DNAJB6: variants seen among roughly 807,000 people sequenced by gnomAD.
The protein encoded by DNAJB6 is DnaJ heat shock protein family (Hsp40) member B6.
Under a neutral mutation model 42.7 loss-of-function variants are expected in DNAJB6, and 16 were observed. The ratio of observed to expected loss-of-function variants is 0.37; its 90% CI spans 0.25 to 0.57. The LOEUF is 0.57. Ranked by LOEUF, DNAJB6 falls within the 20% of genes least tolerant of loss-of-function variation. The pLI is 0.74. For missense variants in DNAJB6, 347 were observed against 416.8 expected, an observed-to-expected ratio of 0.83 and a Z score of 1.46; for synonymous variants, 170 against 163.5, an observed-to-expected ratio of 1.04 and a Z score of -0.30.
intron 1 of DNAJB6, among the ~76,000 whole-genome samples, chr7:157,351,391 G>A (rs1798964255): frequency 6.6e-6 from 1 of 152,092 alleles, no homozygotes; most frequent in Non-Finnish European, 1.5e-5. Flanking sequence ...CACTTTGGGA[G>A]GCCGAGGAGG....
chr7:157,367,295 A>T, intron 4 of DNAJB6, 78 bp from the exon 5 acceptor site: 1 of 953,096 alleles, frequency 1.0e-6, no homozygotes, highest in Non-Finnish European at 1.7e-6. Context: ...TGATTTGTAT[A>T]ATGTTTTGTC....
chr7:157,416,094 A>G lies in DNAJB6; in HGVS notation c.977A>G (p.His326Arg). 6.2e-7 allele frequency: 1 copy of G among 1,613,604 alleles called. No homozygotes were observed. The highest frequency in any genetic ancestry group is 1.3e-5 in the African/African-American group (1 of 75,046). The change falls in exon 10 of 10, where the codon CAC becomes CGC. Residue 326 changes from histidine (H) to arginine (R), a missense_variant. By Grantham distance (29) the His-to-Arg change is conservative (BLOSUM62 0). This residue lies in a region of DNAJB6 where 264 missense variants were observed against 288.0 expected (regional missense o/e 0.92). Coordinates refer to ENST00000262177, the MANE Select transcript of DNAJB6 (RefSeq NM_058246.4). ...SKKKKSTKGN[H>R] ...AAGAAGAAGTCGACCAAAGGCAATC[A>G]CTAGACCGGACTTGAGGCACGCGGT...
At chr7:157,403,832 T>C (rs1207772847) in intron 8 of DNAJB6, among the ~76,000 whole-genome samples, 2 of 152,250 alleles carry the variant, frequency 1.3e-5, no homozygotes, top group Non-Finnish European at 2.9e-5. Flanking sequence ...CAGCCCACCC[T>C]GTGTGGACTC....
In DNAJB6 at chr7:157,347,768, G is replaced by C. The variant is rs540994264; in HGVS notation, c.-27+10624G>C. On this transcript the variant is annotated intron_variant, in intron 1 of 9. Transcript: ENST00000262177. Reference sequence around the variant, plus strand: ...TAGCATGTCACGTTTAAAATTACCTGTTGTCATTCAGGTTATAAGAAGTTT... The same window carrying C: ...TAGCATGTCACGTTTAAAATTACCTCTTGTCATTCAGGTTATAAGAAGTTT... 7.2e-5 allele frequency among the ~76,000 whole-genome samples: 11 copies of C among 152,260 alleles called. No homozygotes were observed. In the South Asian group the frequency reaches 2.1e-3, roughly 29 times the overall value.
intron 8 of DNAJB6, chr7:157,386,201 A>G (rs1001226193): frequency 7.2e-6 from 7 of 971,388 alleles, no homozygotes; most frequent in South Asian, 4.8e-5. Flanking sequence ...TTAAATATGT[A>G]ATGTTAAGCT....
rs776491092 is a variant in DNAJB6 at position 157,366,581 on chromosome 7, C to G, written c.235+20C>G. The G allele has an allele frequency of 3.1e-6, 5 of 1,611,112 alleles. No homozygotes were observed. In the East Asian group the frequency reaches 1.1e-4, roughly 36 times the overall value. ...GAGGAGGTAAGTACGTGAGTTTTTT[C>G]TTTGAAGACAAAAGGTCTTGGCAAG... On this transcript the variant is annotated intron_variant, in intron 4 of 9. Transcript: ENST00000262177.
chr7:157,379,592 T>TCCTGC (rs1800647113), intron 5 of DNAJB6: 1 of 152,168 alleles, frequency 6.6e-6, no homozygotes, highest in African/African-American at 2.4e-5. Flanking sequence ...GCTCAAGCAG[T>TCCTGC]CCTGCCTCAG....
intron 1 of DNAJB6, among the ~76,000 whole-genome samples, chr7:157,352,096 C>T (rs1799014644): frequency 6.6e-6 from 1 of 151,764 alleles, no homozygotes; most frequent in African/African-American, 2.4e-5. Context: ...CTTTAGGAGG[C>T]TGAGGTGAGC....
chr7:157,409,484 G>T (rs1374595658), intron 8 of DNAJB6, among the ~76,000 whole-genome samples: 1 of 152,268 alleles, frequency 6.6e-6, no homozygotes, highest in Non-Finnish European at 1.5e-5. Context: ...CCCTGACCGT[G>T]ATTTCAGTGG....
At chr7:157,376,848 C>G (rs1176237146) in intron 5 of DNAJB6, among the ~76,000 whole-genome samples, 1 of 152,184 alleles carries the variant, frequency 6.6e-6, no homozygotes, top group Non-Finnish European at 1.5e-5. Context: ...CCACTACACT[C>G]CAGCCTGGGC....
In DNAJB6 at chr7:157,394,252, A is replaced by G. The variant is rs143434852; in HGVS notation, c.691+8641A>G. 6.6e-3 allele frequency among the ~76,000 whole-genome samples: 1,004 copies of G among 152,282 alleles called. 12 individuals carry two copies. The highest frequency in any genetic ancestry group is 0.022 in the African/African-American group (932 of 41,564). Reference sequence around the variant, plus strand: ...TTCAAAAATAACCCATATGACATCTATTTTTTGGAAGGAAGGGTTAAGAAA... The same window carrying G: ...TTCAAAAATAACCCATATGACATCTGTTTTTTGGAAGGAAGGGTTAAGAAA... On this transcript the variant is annotated intron_variant, in intron 8 of 9. Coordinates refer to ENST00000262177, the MANE Select transcript of DNAJB6 (RefSeq NM_058246.4).
chr7:157,396,345 G>A (rs563199020), intron 8 of DNAJB6, among the ~76,000 whole-genome samples: 1 of 152,238 alleles, frequency 6.6e-6, no homozygotes, highest in Non-Finnish European at 1.5e-5. Flanking sequence ...TCAGGGCGAC[G>A]TGTTTCTTGA....
In DNAJB6 at chr7:157,383,831, G is replaced by A. The variant is rs147831980; in HGVS notation, c.479-1036G>A. Reference sequence around the variant, plus strand: ...AAATAGTCATTGGGTTTCAAAGATGGAACATGGGAAGCAGTGTAAAATACC... The same window carrying A: ...AAATAGTCATTGGGTTTCAAAGATGAAACATGGGAAGCAGTGTAAAATACC... On this transcript the variant is annotated intron_variant, in intron 6 of 9. Transcript: ENST00000262177. Among the ~76,000 whole-genome samples the A allele has an allele frequency of 6.3e-3, 953 of 152,290 alleles. 6 individuals carry two copies. The highest frequency in any genetic ancestry group is 9.2e-3 in the Non-Finnish European group (624 of 68,024).
chr7:157,340,994 G>GC lies in DNAJB6; in HGVS notation c.-27+3850_-27+3851insC, dbSNP rs1216009601. Among the ~76,000 whole-genome samples, 307 of 123,282 alleles carry GC rather than the reference G, an allele frequency of 2.5e-3. 1 individual carries two copies. Among genetic ancestry groups the GC allele is most frequent in the East Asian group, 0.014 (54 of 3,942 alleles). 80.9% of individuals were successfully genotyped at this position (123,282 alleles called of 152,430 possible). ...TGTGTGTGTGTGTGTGTGTGTGTGTGTGTGCGCGCGCGCAGGTGGAATCAC... is the reference window on the plus strand; with the variant it reads ...TGTGTGTGTGTGTGTGTGTGTGTGTGCTGTGCGCGCGCGCAGGTGGAATCAC... On this transcript the variant is annotated intron_variant, in intron 1 of 9. Coordinates refer to ENST00000262177, the MANE Select transcript of DNAJB6 (RefSeq NM_058246.4).
At chr7:157,362,348 T>A (rs1026158127) in intron 2 of DNAJB6, among the ~76,000 whole-genome samples, 2 of 152,166 alleles carry the variant, frequency 1.3e-5, no homozygotes, top group Non-Finnish European at 2.9e-5. Context: ...TGGATCTTGC[T>A]GCTCAGTGAC....
intron 1 of DNAJB6, among the ~76,000 whole-genome samples, chr7:157,346,854 CT>C (rs898345570): frequency 3.9e-5 from 6 of 151,944 alleles, no homozygotes; most frequent in Non-Finnish European, 8.8e-5. Flanking sequence ...CAGCTATTTT[CT>C]TTTTTTTCTT....
intron 8 of DNAJB6, among the ~76,000 whole-genome samples, chr7:157,387,781 ATTTTT>A (rs34146062): frequency 6.6e-6 from 1 of 151,286 alleles, no homozygotes. Flanking sequence ...TCTTGTGAAA[ATTTTT>A]TTTTGAGGAG....
chr7:157,376,597 A>G (rs1486536277), intron 5 of DNAJB6, among the ~76,000 whole-genome samples: 6 of 152,210 alleles, frequency 3.9e-5, no homozygotes, highest in African/African-American at 1.4e-4. Flanking sequence ...ATAGGGAGGC[A>G]TGAGACATCA....
At chr7:157,388,591 G>A (rs566790270) in intron 8 of DNAJB6, among the ~76,000 whole-genome samples, 95 of 148,688 alleles carry the variant, frequency 6.4e-4, no homozygotes, top group Middle Eastern at 3.5e-3. Context: ...TCTTTTTTAA[G>A]TTTTATTTTT....
Sources: gnomAD v4.1 joint callset for allele counts (sites outside exome capture counted in the v4.1 genomes callset) on GRCh38, gnomAD v4.1.1 for gene constraint, gnomAD v4.1.1 regional missense constraint, MANE v1.5 for transcripts, NCBI Gene and HGNC (gene_info 2026-07-23, HGNC 2026-07-21) for gene names.